Variants in SDCCAG8 observed in about 807,000 individuals in gnomAD.
SDCCAG8 encodes the protein serologically defined colon cancer antigen 8.
Under a neutral mutation model 101.8 loss-of-function variants are expected in SDCCAG8, and 74 were observed. The ratio of observed to expected loss-of-function variants is 0.73; its 90% CI spans 0.60 to 0.88. The LOEUF is 0.88. Ranked by LOEUF, SDCCAG8 falls within the 40% of genes least tolerant of loss-of-function variation. The probability of loss-of-function intolerance (pLI) is 0.00; values close to 1 mark genes in which losing one functional copy is unlikely to be tolerated. For missense variants in SDCCAG8, 787 were observed against 822.6 expected, an observed-to-expected ratio of 0.96 and a Z score of 0.53; for synonymous variants, 281 against 292.9, an observed-to-expected ratio of 0.96 and a Z score of 0.41.
chr1:243,312,937 G>A (rs937241350), intron 8 of SDCCAG8, among the ~76,000 whole-genome samples: 4 of 152,138 alleles, frequency 2.6e-5, no homozygotes, highest in African/African-American at 9.7e-5. Flanking sequence ...ATGCCATAAG[G>A]GAGGTAAGAG....
In SDCCAG8 at chr1:243,285,727, A is replaced by G. The variant is rs532178120; in HGVS notation, c.421-545A>G. On this transcript the variant is annotated intron_variant, in intron 4 of 17. Coordinates refer to ENST00000366541, the MANE Select transcript of SDCCAG8 (RefSeq NM_006642.5). ...GTAATTTTAATTGTTATTGATTTGTAATTCTTTATATTACACCCTGTGAGG... is the reference window on the plus strand; with the variant it reads ...GTAATTTTAATTGTTATTGATTTGTGATTCTTTATATTACACCCTGTGAGG... Among the ~76,000 whole-genome samples, 4 of 152,172 alleles carry G rather than the reference A, an allele frequency of 2.6e-5. No individual in the cohort carries two copies. The South Asian group carries it at 8.3e-4, about 32-fold the overall frequency.
intron 17 of SDCCAG8, among the ~76,000 whole-genome samples, chr1:243,493,606 AT>A (rs1667098032): frequency 6.6e-6 from 1 of 152,052 alleles, no homozygotes; most frequent in African/African-American, 2.4e-5. Context: ...TAGTCCCCTC[AT>A]ATGAATCACT....
chr1:243,296,837 C>G (rs1455797659), intron 6 of SDCCAG8, among the ~76,000 whole-genome samples: 1 of 152,166 alleles, frequency 6.6e-6, no homozygotes, highest in Non-Finnish European at 1.5e-5. Context: ...CCGGCCCCAA[C>G]TGCTCTTTTT....
chr1:243,324,331 T>C (rs2073984448), intron 9 of SDCCAG8, among the ~76,000 whole-genome samples: 1 of 152,160 alleles, frequency 6.6e-6, no homozygotes. Flanking sequence ...TTCCCTATGC[T>C]TGCTCTTGAC....
intron 13 of SDCCAG8, among the ~76,000 whole-genome samples, chr1:243,411,974 C>G (rs1447964483): frequency 2.0e-5 from 3 of 152,146 alleles, no homozygotes; most frequent in Non-Finnish European, 2.9e-5. Context: ...CCATCCTTCA[C>G]CAGGCTCTCA....
chr1:243,482,889 C>T (rs952451029), intron 16 of SDCCAG8, among the ~76,000 whole-genome samples: 1 of 152,142 alleles, frequency 6.6e-6, no homozygotes, highest in Admixed American at 6.5e-5. Context: ...GCTCTGAAAT[C>T]GGACGATTCT....
intron 1 of SDCCAG8, chr1:243,269,066 C>T (rs1310680022): frequency 1.3e-5 from 2 of 152,812 alleles, no homozygotes; most frequent in Non-Finnish European, 1.5e-5. Flanking sequence ...TTCCTCTCCA[C>T]GTATGCTCTT....
At chr1:243,431,837 G>T (rs964886395) in intron 16 of SDCCAG8, among the ~76,000 whole-genome samples, 1 of 151,994 alleles carries the variant, frequency 6.6e-6, no homozygotes, top group Non-Finnish European at 1.5e-5. Flanking sequence ...GTAATCCCGG[G>T]GGTTTCGTCA....
intron 16 of SDCCAG8, among the ~76,000 whole-genome samples, chr1:243,478,058 T>C (rs999227165): frequency 3.3e-5 from 5 of 152,224 alleles, no homozygotes; most frequent in Admixed American, 1.3e-4. Flanking sequence ...ACTGAGCTCA[T>C]TGGGGAATCC....
At chr1:243,406,210 T>G (rs548842696) in intron 13 of SDCCAG8, among the ~76,000 whole-genome samples, 54 of 152,312 alleles carry the variant, frequency 3.5e-4, no homozygotes, top group African/African-American at 1.2e-3. Context: ...GGCAAAATCA[T>G]GATCGAATTT....
chr1:243,359,443 T>C (rs1026644547), intron 12 of SDCCAG8, among the ~76,000 whole-genome samples: 1 of 152,152 alleles, frequency 6.6e-6, no homozygotes, highest in Non-Finnish European at 1.5e-5. Context: ...CTTAATAAAG[T>C]TGTTATTTTA....
chr1:243,493,941 G>A (rs1243329457), intron 17 of SDCCAG8, among the ~76,000 whole-genome samples: 1 of 151,900 alleles, frequency 6.6e-6, no homozygotes, highest in Non-Finnish European at 1.5e-5. Context: ...ACTCCCTGCC[G>A]AGGGAGGCCT....
intron 11 of SDCCAG8, among the ~76,000 whole-genome samples, chr1:243,343,582 TAC>T (rs1306367034): frequency 6.6e-6 from 1 of 152,256 alleles, no homozygotes; most frequent in East Asian, 1.9e-4. Flanking sequence ...TATTGAATGT[TAC>T]AGTCATAAGT....
At chr1:243,427,487 C>T (rs1317872809) in intron 16 of SDCCAG8, among the ~76,000 whole-genome samples, 3 of 152,176 alleles carry the variant, frequency 2.0e-5, no homozygotes, top group Admixed American at 6.5e-5. Context: ...TTCCACATGA[C>T]AACCGCATGC....
At chr1:243,395,295 T>C (rs187697834) in intron 13 of SDCCAG8, among the ~76,000 whole-genome samples, 1 of 152,260 alleles carries the variant, frequency 6.6e-6, no homozygotes, top group African/African-American at 2.4e-5. Context: ...AATCAGACCA[T>C]GGAAGTGATC....
At chr1:243,406,614 A>C (rs1454003701) in intron 13 of SDCCAG8, among the ~76,000 whole-genome samples, 1 of 152,200 alleles carries the variant, frequency 6.6e-6, no homozygotes, top group Non-Finnish European at 1.5e-5. Flanking sequence ...TCCGCTGCTT[A>C]AAACCCTACA....
intron 5 of SDCCAG8, 132 bp from the exon 6 acceptor site, chr1:243,292,959 A>G: frequency 9.2e-7 from 1 of 1,084,576 alleles, no homozygotes; most frequent in Admixed American, 1.9e-5. Flanking sequence ...ATGTGAAGTG[A>G]TTCTTGACCT....
intron 16 of SDCCAG8, among the ~76,000 whole-genome samples, chr1:243,476,734 G>T (rs1189110902): frequency 6.6e-6 from 1 of 152,184 alleles, no homozygotes; most frequent in African/African-American, 2.4e-5. Flanking sequence ...ATCACTCTGG[G>T]TTAAAGAAGT....
At chr1:243,446,352 A>G (rs146518631) in intron 16 of SDCCAG8, among the ~76,000 whole-genome samples, 90 of 152,178 alleles carry the variant, frequency 5.9e-4, no homozygotes, top group African/African-American at 1.7e-3. Flanking sequence ...CTGTAGCCTC[A>G]ACATCCTGGG....
Sources: gnomAD v4.1 joint callset for allele counts (sites outside exome capture counted in the v4.1 genomes callset) on GRCh38, gnomAD v4.1.1 for gene constraint, MANE v1.5 for transcripts, NCBI Gene and HGNC (gene_info 2026-07-23, HGNC 2026-07-21) for gene names.